Variants in VAT1L observed in about 807,000 individuals in gnomAD.
VAT1L encodes vesicle amine transport 1 like, also known as putative NADPH-dependent quinone oxidoreductase VAT1L.
In VAT1L, 34 loss-of-function variants were observed where a neutral mutation model predicts 44.1. The observed-to-expected ratio is 0.77, with a 90% CI of 0.59 to 1.03. The LOEUF is 1.03. Ranked by LOEUF, VAT1L falls within the 50% of genes least tolerant of loss-of-function variation. The pLI is 0.00. For synonymous variants in VAT1L, 253 were observed against 202.2 expected (o/e 1.25, Z -2.13); for missense variants, 615 against 538.8 (o/e 1.14, Z -1.40).
At chr16:77,815,702 C>T (rs1342559230) in intron 1 of VAT1L, among the ~76,000 whole-genome samples, 1 of 151,990 alleles carries the variant, frequency 6.6e-6, no homozygotes, top group Non-Finnish European at 1.5e-5. Flanking sequence ...GGCACAGTGG[C>T]TCATGCCTGT....
chr16:77,800,898 G>T (rs67383824), intron 1 of VAT1L: 15,531 of 152,202 alleles, frequency 0.1, 1,090 homozygotes, highest in East Asian at 0.24. Context: ...GTGCGATCTC[G>T]GTTCACTGCG....
At chr16:77,902,739 G>GT (rs1343516829) in intron 7 of VAT1L, among the ~76,000 whole-genome samples, 3 of 133,516 alleles carry the variant, frequency 2.2e-5, no homozygotes, top group Admixed American at 7.6e-5. Context: ...GGGTGGGGGG[G>GT]GTGTGGATCA....
chr16:77,928,142 C>G (rs1031209440), intron 7 of VAT1L, among the ~76,000 whole-genome samples: 1 of 152,078 alleles, frequency 6.6e-6, no homozygotes, highest in Non-Finnish European at 1.5e-5. Flanking sequence ...TTAGTTCAAT[C>G]AAAGACCCCA....
chr16:77,888,147 T>C (rs1247966028), intron 7 of VAT1L, among the ~76,000 whole-genome samples: 1 of 152,184 alleles, frequency 6.6e-6, no homozygotes, highest in African/African-American at 2.4e-5. Flanking sequence ...CCAGCCCCAC[T>C]CTTGAAAGTA....
intron 3 of VAT1L, among the ~76,000 whole-genome samples, chr16:77,855,916 G>T (rs949104106): frequency 2.0e-5 from 3 of 152,198 alleles, no homozygotes; most frequent in African/African-American, 7.2e-5. Flanking sequence ...TGCTTGGGAG[G>T]CTGAGGCAGA....
intron 3 of VAT1L, among the ~76,000 whole-genome samples, chr16:77,842,308 G>A (rs1001443124): frequency 2.0e-5 from 3 of 152,172 alleles, no homozygotes; most frequent in African/African-American, 7.2e-5. Context: ...CTATAGATGG[G>A]TGCCCACTCA....
chr16:77,947,006 C>T (rs1467746991), intron 7 of VAT1L, among the ~76,000 whole-genome samples: 2 of 152,210 alleles, frequency 1.3e-5, no homozygotes, highest in Non-Finnish European at 2.9e-5. Context: ...ATCTCGTTAC[C>T]ATGGCAACAC....
chr16:77,812,330 C>T (rs1279021323), intron 1 of VAT1L, among the ~76,000 whole-genome samples: 1 of 152,162 alleles, frequency 6.6e-6, no homozygotes, highest in Admixed American at 6.5e-5. Context: ...GTCTCGGCCT[C>T]CCAAAGTGCT....
At position 77,825,398 on chromosome 16, in the gene VAT1L, G is replaced by C. The variant is rs766365399; in HGVS notation, c.516G>C (p.Leu172=). ...PMNFVTAYVM[L]FEVANLREGM... is the part of the protein sequence containing the mutation. Reference sequence around the variant, plus strand: ...ACTTCGTCACAGCCTATGTGATGCTGTTTGAAGTTGCCAACCTCCGGGAAG... The same window carrying C: ...ACTTCGTCACAGCCTATGTGATGCTCTTTGAAGTTGCCAACCTCCGGGAAG... The change falls in exon 3 of 9, where the codon CTG becomes CTC. Residue 172 remains leucine, a synonymous_variant. Transcript: ENST00000302536. 1 of 1,613,060 alleles carries C rather than the reference G, an allele frequency of 6.2e-7. No homozygotes were observed. The highest frequency in any genetic ancestry group is 2.2e-5 in the East Asian group (1 of 44,872).
At chr16:77,945,568 G>A (rs2142517211) in intron 7 of VAT1L, among the ~76,000 whole-genome samples, 1 of 152,044 alleles carries the variant, frequency 6.6e-6, no homozygotes, top group East Asian at 1.9e-4. Context: ...GGGATTACAG[G>A]TGTTAGCCAC....
intron 3 of VAT1L, among the ~76,000 whole-genome samples, chr16:77,850,500 C>G (rs928531820): frequency 8.6e-5 from 13 of 152,014 alleles, no homozygotes; most frequent in Non-Finnish European, 8.8e-5. Flanking sequence ...ACTATATGAC[C>G]CTATTTGCCT....
chr16:77,900,212 G>C (rs1157682326), intron 7 of VAT1L, among the ~76,000 whole-genome samples: 3 of 152,126 alleles, frequency 2.0e-5, no homozygotes. Flanking sequence ...CAAGGTAGTA[G>C]AGCTGGGAAT....
intron 7 of VAT1L, among the ~76,000 whole-genome samples, chr16:77,967,749 G>A (rs374553781): frequency 1.3e-5 from 2 of 152,128 alleles, no homozygotes; most frequent in Admixed American, 6.5e-5. Context: ...TACTGGAGAG[G>A]CAGCTTAAAA....
Position 77,891,811 on chromosome 16 carries a change from G to A in VAT1L, c.1077+7009G>A, listed in dbSNP as rs545764614. 3.2e-3 allele frequency among the ~76,000 whole-genome samples: 489 copies of A among 152,320 alleles called. 1 individual carries two copies. The highest frequency in any genetic ancestry group is 4.0e-3 in the Non-Finnish European group (269 of 68,032). ...GATTAGGCCGGGCGCGGTGGCTCAT[G>A]CCTATAATCCCAGCACTTTGGGAGG... On this transcript the variant is annotated intron_variant, in intron 7 of 8. Transcript: ENST00000302536.
intron 7 of VAT1L, among the ~76,000 whole-genome samples, chr16:77,928,630 A>T (rs1013622058): frequency 6.6e-6 from 1 of 152,184 alleles, no homozygotes; most frequent in East Asian, 1.9e-4. Context: ...AAATTTCTGT[A>T]ATCAAGGAAA....
At chr16:77,814,250 T>C (rs2016313293) in intron 1 of VAT1L, among the ~76,000 whole-genome samples, 1 of 152,042 alleles carries the variant, frequency 6.6e-6, no homozygotes, top group Non-Finnish European at 1.5e-5. Flanking sequence ...CACTCGGGAG[T>C]ACTCTGTTAA....
Position 77,879,207 on chromosome 16 carries a change from T to C in VAT1L, c.865T>C (p.Phe289Leu). ...GGTAACTGGAGAGACCAAGAGCTTC[T>C]TCAGCTTTGCAAAATCAGTAAGTAT... ...NMVTGETKSF[F>L]SFAKSWWQVE... is the part of the protein sequence containing the mutation. The change falls in exon 6 of 9, where the codon TTC becomes CTC. Residue 289 changes from phenylalanine (F) to leucine (L), a missense_variant. Phe to Leu is a conservative substitution (Grantham distance 22). Coordinates refer to ENST00000302536, the MANE Select transcript of VAT1L (RefSeq NM_020927.3). The surrounding 1 kb of genome is among the most constrained non-coding windows in gnomAD (Gnocchi z 4.1). The C allele has an allele frequency of 6.2e-7, 1 of 1,614,248 alleles. No individual in the cohort carries two copies.
intron 3 of VAT1L, among the ~76,000 whole-genome samples, chr16:77,832,932 T>C (rs907808591): frequency 1.3e-5 from 2 of 152,204 alleles, no homozygotes; most frequent in African/African-American, 4.8e-5. Context: ...CATACAGTTT[T>C]AGCAGAAAAG....
chr16:77,943,697 C>T (rs573066688), intron 7 of VAT1L, among the ~76,000 whole-genome samples: 225 of 152,226 alleles, frequency 1.5e-3, no homozygotes, highest in African/African-American at 4.2e-3. Context: ...TCACTGCGCC[C>T]GACCCACCCT....
Sources: gnomAD v4.1 joint callset for allele counts (sites outside exome capture counted in the v4.1 genomes callset) on GRCh38, gnomAD v4.1.1 for gene constraint, Gnocchi (gnomAD v3.1) non-coding constraint, MANE v1.5 for transcripts, NCBI Gene and HGNC (gene_info 2026-07-23, HGNC 2026-07-21) for gene names.